Variants in HECW2 observed in about 807,000 individuals in gnomAD.
The protein encoded by HECW2 is HECT, C2 and WW domain containing E3 ubiquitin protein ligase 2.
HECW2 carries 61 observed loss-of-function variants against 175.2 expected under a neutral mutation model. The observed-to-expected ratio is 0.35, with a 90% confidence interval of 0.28 to 0.43. The LOEUF is 0.43. Ranked by LOEUF, HECW2 falls within the 20% of genes least tolerant of loss-of-function variation. HECW2 has a pLI of 1.00. For missense variants in HECW2, 1,524 were observed against 2,000.5 expected, an observed-to-expected ratio of 0.76 and a Z score of 4.54; for synonymous variants, 671 against 731.0, an observed-to-expected ratio of 0.92 and a Z score of 1.32.
At chr2:196,431,522 T>C (rs1321965707) in intron 2 of HECW2, among the ~76,000 whole-genome samples, 1 of 152,212 alleles carries the variant, frequency 6.6e-6, no homozygotes, top group Non-Finnish European at 1.5e-5. Flanking sequence ...TGTAGTCTCA[T>C]ATTAAGTCTT....
At chr2:196,232,613 G>T (rs1453205417) in intron 21 of HECW2, among the ~76,000 whole-genome samples, 1 of 152,206 alleles carries the variant, frequency 6.6e-6, no homozygotes, top group Admixed American at 6.5e-5. Context: ...CTGAAAGGTT[G>T]CTCAATTTGA....
At chr2:196,218,428 T>C (rs1687552838) in intron 26 of HECW2, among the ~76,000 whole-genome samples, 1 of 152,170 alleles carries the variant, frequency 6.6e-6, no homozygotes, top group South Asian at 2.1e-4. Context: ...ACAATAACCA[T>C]ATAAATAGGT....
At position 196,403,278 on chromosome 2, in the gene HECW2, G is replaced by A. The variant is rs545271915; in HGVS notation, c.292+29854C>T. ...TTTGATACTGCATTTGACAGCTGAC[G>A]TAATGTACAAGAAAGTATTTAACAG... On this transcript the variant is annotated intron_variant, in intron 2 of 28. Coordinates refer to ENST00000644978, the MANE Select transcript of HECW2 (RefSeq NM_001348768.2). Among the ~76,000 whole-genome samples the A allele has an allele frequency of 7.9e-5, 12 of 152,306 alleles. No individual in the cohort carries two copies. The East Asian group carries it at 1.7e-3, about 22-fold the overall frequency.
intron 28 of HECW2, among the ~76,000 whole-genome samples, chr2:196,206,789 GC>G (rs1687084124): frequency 1.3e-5 from 2 of 152,170 alleles, no homozygotes; most frequent in African/African-American, 4.8e-5. Flanking sequence ...CAAATTGTGA[GC>G]CCTAGCTGCA....
intron 2 of HECW2, among the ~76,000 whole-genome samples, chr2:196,406,205 T>C (rs1369932042): frequency 6.6e-6 from 1 of 152,198 alleles, no homozygotes; most frequent in Non-Finnish European, 1.5e-5. Flanking sequence ...TTCACCAAGA[T>C]GACTGATAGG....
chr2:196,454,073 C>T (rs376248695), intron 1 of HECW2, among the ~76,000 whole-genome samples: 5 of 152,236 alleles, frequency 3.3e-5, no homozygotes, highest in South Asian at 4.1e-4. Context: ...TGCAGTTGCA[C>T]GGTCTCAGCT....
chr2:196,340,885 T>A (rs1692725738), intron 3 of HECW2, among the ~76,000 whole-genome samples: 1 of 151,978 alleles, frequency 6.6e-6, no homozygotes, highest in South Asian at 2.1e-4. Context: ...TACTCCCAAT[T>A]TTATGTGAGA....
chr2:196,461,776 C>T (rs1408598980), intron 1 of HECW2, among the ~76,000 whole-genome samples: 2 of 152,078 alleles, frequency 1.3e-5, no homozygotes, highest in African/African-American at 2.4e-5. Flanking sequence ...ACCCACTCAA[C>T]GTCATGAGAA....
At chr2:196,322,873 GT>G (rs1692000423) in intron 6 of HECW2, among the ~76,000 whole-genome samples, 1 of 152,144 alleles carries the variant, frequency 6.6e-6, no homozygotes, top group Non-Finnish European at 1.5e-5. Flanking sequence ...GCCCTTCCTA[GT>G]TTCACAGTTT....
At chr2:196,472,383 G>A (rs1443412303) in intron 1 of HECW2, among the ~76,000 whole-genome samples, 1 of 151,072 alleles carries the variant, frequency 6.6e-6, no homozygotes, top group African/African-American at 2.4e-5. Flanking sequence ...AGCTACTCGA[G>A]AGGCTGAGGT....
chr2:196,317,472 T>C, intron 9 of HECW2, 103 bp from the exon 10 acceptor site: 2 of 848,438 alleles, frequency 2.4e-6, no homozygotes, highest in Non-Finnish European at 1.9e-6. Context: ...TAGTTTCTTT[T>C]CTCTGTTTAG....
intron 5 of HECW2, among the ~76,000 whole-genome samples, chr2:196,328,737 T>C (rs1692246919): frequency 6.6e-6 from 1 of 152,250 alleles, no homozygotes; most frequent in Non-Finnish European, 1.5e-5. Context: ...TTATTTTCTA[T>C]GTATTGTAGC....
chr2:196,514,683 C>G (rs953602620), intron 1 of HECW2, among the ~76,000 whole-genome samples: 1 of 152,194 alleles, frequency 6.6e-6, no homozygotes, highest in African/African-American at 2.4e-5. Flanking sequence ...AACAACCCCC[C>G]TGAGGACAGG....
intron 2 of HECW2, among the ~76,000 whole-genome samples, chr2:196,423,234 T>C (rs6434855): frequency 0.95 from 144,256 of 152,166 alleles, 68,482 homozygotes; most frequent in East Asian, 1. Context: ...GCCCAAGCAC[T>C]GTGCCGAGCA....
At chr2:196,447,393 C>G (rs1228477961) in intron 1 of HECW2, among the ~76,000 whole-genome samples, 1 of 152,204 alleles carries the variant, frequency 6.6e-6, no homozygotes, top group Non-Finnish European at 1.5e-5. Context: ...CAACCCCTTT[C>G]AACCCCATTT....
chr2:196,565,481 T>C (rs1017317492), intron 1 of HECW2, among the ~76,000 whole-genome samples: 7 of 152,214 alleles, frequency 4.6e-5, no homozygotes, highest in African/African-American at 1.4e-4. Context: ...AAGTGGGGAA[T>C]AGATGAACAA....
At chr2:196,251,691 T>C (rs970653535) in intron 19 of HECW2, among the ~76,000 whole-genome samples, 1 of 152,164 alleles carries the variant, frequency 6.6e-6, no homozygotes, top group Non-Finnish European at 1.5e-5. Flanking sequence ...GCATCCTACA[T>C]ATCCCTTCAA....
At chr2:196,510,964 G>A (rs1440680536) in intron 1 of HECW2, among the ~76,000 whole-genome samples, 3 of 151,892 alleles carry the variant, frequency 2.0e-5, no homozygotes, top group Non-Finnish European at 4.4e-5. Context: ...TGGGTTTGCT[G>A]TTGTTTGTTT....
intron 5 of HECW2, among the ~76,000 whole-genome samples, chr2:196,326,567 C>CT: frequency 6.6e-6 from 1 of 151,824 alleles, no homozygotes; most frequent in South Asian, 2.1e-4. Context: ...CCTCAGCCTC[C>CT]TGAGTAGCTG....
Sources: gnomAD v4.1 joint callset for allele counts (sites outside exome capture counted in the v4.1 genomes callset) on GRCh38, gnomAD v4.1.1 for gene constraint, MANE v1.5 for transcripts, NCBI Gene and HGNC (gene_info 2026-07-23, HGNC 2026-07-21) for gene names.